SV2C: variants seen among roughly 807,000 people sequenced by gnomAD.
SV2C encodes solute carrier family 22 member B3.
SV2C carries 49 observed loss-of-function variants against 79.7 expected under a neutral mutation model. That is an observed-to-expected ratio of 0.61 (90% CI 0.49 to 0.78). SV2C has a LOEUF of 0.78. Among genes scored for constraint, SV2C ranks in the 30% least tolerant of loss-of-function variants. SV2C has a pLI of 0.00. For missense variants in SV2C, 833 were observed against 912.9 expected (o/e 0.91, Z 1.13); for synonymous variants, 334 against 333.2 (o/e 1.00, Z -0.03).
At chr5:76,230,054 G>T (rs1471015365) in intron 4 of SV2C, among the ~76,000 whole-genome samples, 1 of 152,186 alleles carries the variant, frequency 6.6e-6, no homozygotes, top group Non-Finnish European at 1.5e-5. Context: ...CATCACTACG[G>T]GAATGGGTAT....
At chr5:76,058,753 T>A in the SV2C span, among the ~76,000 whole-genome samples, 1 of 152,122 alleles carries the variant, frequency 6.6e-6, no homozygotes, top group Non-Finnish European at 1.5e-5. Context: ...AAAGCAAATC[T>A]AATCACAGTT....
chr5:76,341,748 G>A (rs768965858), intron 12 of SV2C, among the ~76,000 whole-genome samples: 3 of 151,826 alleles, frequency 2.0e-5, no homozygotes, highest in Non-Finnish European at 4.4e-5. Flanking sequence ...GCTGTGATTA[G>A]CACTACTGGC....
chr5:75,869,899 A>G, the SV2C span, among the ~76,000 whole-genome samples: 30 of 152,324 alleles, frequency 2.0e-4, no homozygotes, highest in East Asian at 5.8e-3. Flanking sequence ...GATATTGTCC[A>G]AGACCATCAA....
chr5:76,064,907 C>G, the SV2C span, among the ~76,000 whole-genome samples: 1 of 152,082 alleles, frequency 6.6e-6, no homozygotes, highest in African/African-American at 2.4e-5. Context: ...AAAAGAACAA[C>G]AGAGAAAGCT....
intron 4 of SV2C, among the ~76,000 whole-genome samples, chr5:76,279,138 AAG>A (rs1747107599): frequency 6.6e-6 from 1 of 152,160 alleles, no homozygotes; most frequent in Non-Finnish European, 1.5e-5. Context: ...AGGGAAGGGT[AAG>A]AGAGAAACAA....
At chr5:76,076,299 T>C in the SV2C span, among the ~76,000 whole-genome samples, 1 of 152,238 alleles carries the variant, frequency 6.6e-6, no homozygotes, top group Non-Finnish European at 1.5e-5. Flanking sequence ...GGATAGAAGA[T>C]TGATCTGGTG....
chr5:76,352,921 CT>C (rs1378935757), intron 12 of SV2C, among the ~76,000 whole-genome samples: 2 of 146,996 alleles, frequency 1.4e-5, no homozygotes, highest in South Asian at 2.2e-4. Flanking sequence ...TATTGAAATT[CT>C]TTTTTTTATT....
the SV2C span, among the ~76,000 whole-genome samples, chr5:76,006,135 G>C: frequency 6.6e-6 from 1 of 152,088 alleles, no homozygotes. Context: ...CTTCTCTAGA[G>C]GACAGTAACA....
chr5:76,285,963 C>A, intron 6 of SV2C, 93 bp downstream of exon 6: 1 of 1,182,562 alleles, frequency 8.5e-7, no homozygotes, highest in Non-Finnish European at 1.2e-6. Flanking sequence ...CTTTGCAAGT[C>A]ATACGGTCTT....
the SV2C span, among the ~76,000 whole-genome samples, chr5:75,852,371 T>C: frequency 6.6e-6 from 1 of 151,658 alleles, no homozygotes; most frequent in African/African-American, 2.4e-5. Context: ...AATTATCAAC[T>C]GATAAGAACA....
At chr5:75,971,548 C>A in the SV2C span, among the ~76,000 whole-genome samples, 3 of 152,030 alleles carry the variant, frequency 2.0e-5, no homozygotes, top group South Asian at 2.1e-4. Context: ...AACAGATAGC[C>A]AAATCATGAG....
the SV2C span, among the ~76,000 whole-genome samples, chr5:76,017,415 C>A: frequency 6.6e-6 from 1 of 151,938 alleles, no homozygotes; most frequent in Non-Finnish European, 1.5e-5. Context: ...GCCTCTCAAG[C>A]AGCTGGGACT....
the SV2C span, among the ~76,000 whole-genome samples, chr5:76,064,587 A>G: frequency 6.6e-6 from 1 of 152,058 alleles, no homozygotes; most frequent in South Asian, 2.1e-4. Flanking sequence ...GTTAGGTCCT[A>G]CTCAGAGCAA....
At chr5:75,973,000 A>C in the SV2C span, among the ~76,000 whole-genome samples, 139 of 152,224 alleles carry the variant, frequency 9.1e-4, 2 homozygotes, top group African/African-American at 3.0e-3. Context: ...TGCAGCTATA[A>C]AAATGATGAG....
chr5:76,299,596 A>G (rs1747912906), intron 10 of SV2C, among the ~76,000 whole-genome samples: 1 of 152,258 alleles, frequency 6.6e-6, no homozygotes, highest in African/African-American at 2.4e-5. Context: ...TGTGTGTCCT[A>G]TAAAATGAAT....
At chr5:76,013,431 G>A in the SV2C span, among the ~76,000 whole-genome samples, 1 of 152,138 alleles carries the variant, frequency 6.6e-6, no homozygotes, top group Admixed American at 6.6e-5. Flanking sequence ...GTATAAGAAT[G>A]CTTGTGATTT....
At chr5:76,205,610 A>T (rs1320142175) in intron 3 of SV2C, among the ~76,000 whole-genome samples, 2 of 152,260 alleles carry the variant, frequency 1.3e-5, no homozygotes, top group Non-Finnish European at 2.9e-5. Context: ...AGATTTCAAC[A>T]GTAGCTAACT....
chr5:75,905,181 T>G, the SV2C span, among the ~76,000 whole-genome samples: 1 of 152,222 alleles, frequency 6.6e-6, no homozygotes, highest in Non-Finnish European at 1.5e-5. Context: ...GATGCTGAGT[T>G]TTGTTACTCC....
At chr5:75,910,238 G>A in the SV2C span, 6 of 435,128 alleles carry the variant, frequency 1.4e-5, no homozygotes, top group Admixed American at 7.7e-5. Context: ...AGGCCAGCCT[G>A]GGCAACATGG....
Sources: allele counts gnomAD v4.1 joint callset (sites outside exome capture counted in the v4.1 genomes callset), GRCh38; gene constraint gnomAD v4.1.1; transcripts MANE v1.5; gene names NCBI Gene and HGNC (gene_info 2026-07-23, HGNC 2026-07-21).